Variants in HELZ2 observed in about 807,000 individuals in gnomAD.
The protein encoded by HELZ2 is helicase with zinc finger 2, also known as 3'-5' exoribonuclease HELZ2.
Under a neutral mutation model 208.8 loss-of-function variants are expected in HELZ2, and 143 were observed. That is an observed-to-expected ratio of 0.68 (90% CI 0.60 to 0.79). HELZ2 has a LOEUF of 0.79. Among genes scored for constraint, HELZ2 ranks in the 30% least tolerant of loss-of-function variants. HELZ2 has a pLI of 0.00. For synonymous variants in HELZ2, 1,705 were observed against 1,693.7 expected, an observed-to-expected ratio of 1.01 and a Z score of -0.16; for missense variants, 3,690 against 3,794.5, an observed-to-expected ratio of 0.97 and a Z score of 0.72.
At chr20:63,564,900 C>A (rs310631) in exon 8 of HELZ2, 654,805 of 1,611,820 alleles carry the variant, frequency 0.41, 135,701 homozygotes, top group Middle Eastern at 0.52. Flanking sequence ...GACGGGGGCA[C>A]CCTCAAGCTG....
chr20:63,563,132 AC>A lies in HELZ2; in HGVS notation c.5689del (p.Val1897TyrfsTer73). ...CACCGTCCAGAGCTGAGGGCTCGGT[AC>A]CAGGAAGCCGTGCTGCAGGCTGGTG... On this transcript the variant is annotated frameshift_variant, in exon 8 of 19. Coordinates refer to ENST00000467148, the Ensembl canonical transcript of HELZ2. LOFTEE classifies it high-confidence loss of function. 1 of 1,596,136 alleles carries A rather than the reference AC, an allele frequency of 6.3e-7. No individual in the cohort carries two copies. Among genetic ancestry groups the A allele is most frequent in the East Asian group, 2.3e-5 (1 of 44,060 alleles).
Position 63,572,299 on chromosome 20 carries a change from C to T in HELZ2, c.87G>A (p.Thr29=), listed in dbSNP as rs771204751. The T allele has an allele frequency of 2.0e-5, 32 of 1,585,938 alleles. No homozygotes were observed. The African/African-American group carries it at 2.5e-4, about 13-fold the overall frequency. ...CCCCAGGGGGCTGGCCAAGGGGGGCCGTGCGCCCGTCGCCATCAGGGGCAG... is the reference window on the plus strand; with the variant it reads ...CCCCAGGGGGCTGGCCAAGGGGGGCTGTGCGCCCGTCGCCATCAGGGGCAG... Residue 29 remains threonine (T), a synonymous_variant, in exon 1 of 19, where the codon ACG becomes ACA. Transcript: ENST00000467148.
chr20:63,570,115 ATTTTTTTT>A (rs56804055), intron 3 of HELZ2: 1,475 of 285,796 alleles, frequency 5.2e-3, no homozygotes, highest in East Asian at 0.029. Context: ...TGCCTGGCTA[ATTTTTTTT>A]TTTTTTTTTT....
chr20:63,570,245 C>T (rs1457990212), intron 3 of HELZ2: 1 of 606,630 alleles, frequency 1.6e-6, no homozygotes, highest in South Asian at 1.5e-5. Flanking sequence ...CAGGCGTGAA[C>T]CACCGCACCT....
At chr20:63,568,561 G>A in exon 5 of HELZ2, 1 of 1,587,272 alleles carries the variant, frequency 6.3e-7, no homozygotes, top group South Asian at 1.1e-5. Flanking sequence ...GCAAGGGTGG[G>A]ACAGACCAAG....
intron 18 of HELZ2, among the ~76,000 whole-genome samples, 166 bp downstream of exon 19, chr20:63,559,762 T>G (rs1555888297): frequency 1.1e-5 from 1 of 87,190 alleles, no homozygotes; most frequent in Non-Finnish European, 2.2e-5. Context: ...GTGGGAGGAG[T>G]CAGGGTCAGA....
At chr20:63,560,970 C>T in intron 14 of HELZ2, 41 bp from the exon 16 acceptor site, 1 of 1,604,510 alleles carries the variant, frequency 6.2e-7, no homozygotes, top group African/African-American at 1.3e-5. Context: ...CCCCTAGACC[C>T]AGAGGGACCC....
At chr20:63,561,494 T>A in intron 12 of HELZ2, 28 bp from the exon 14 acceptor site, 1 of 1,589,220 alleles carries the variant, frequency 6.3e-7, no homozygotes, top group South Asian at 1.1e-5. Flanking sequence ...GTGAGCCCTG[T>A]CCACGCAGGG....
chr20:63,567,084 G>T lies in HELZ2; in HGVS notation c.2274C>A (p.Tyr758Ter). The change falls in exon 6 of 19, where the codon TAC becomes TAA. Residue 758 changes from tyrosine to a stop codon, truncating the protein, a stop_gained. Transcript: ENST00000467148. LOFTEE classifies it high-confidence loss of function. The stretch of plus-strand genomic sequence containing the variant: ...CGTGGATGGGGTTGCCCTTGGCCAC[G>T]TAGAAGTGCCGCGAGATGAAGCTGA... The T allele has an allele frequency of 6.2e-7, 1 of 1,612,160 alleles. No homozygotes were observed. The highest frequency in any genetic ancestry group is 8.5e-7 in the Non-Finnish European group (1 of 1,179,996).
chr20:63,568,930 C>T lies in HELZ2; in HGVS notation c.1158G>A (p.Ala386=), dbSNP rs151002657. ...CCTCTGCGTACAGTGCTCCCGGAGG[C>T]GCGAAGAGCATGTTCAGCGCTGGCG... The change falls in exon 5 of 19, where the codon GCG becomes GCA. Residue 386 remains alanine (A), a synonymous_variant. Transcript: ENST00000467148. 170 of 1,608,620 alleles carry T rather than the reference C, an allele frequency of 1.1e-4. 1 individual carries two copies. In the African/African-American group the frequency reaches 1.9e-3, roughly 18 times the overall value.
chr20:63,559,306 C>A, exon 19 of HELZ2: 2 of 1,599,758 alleles, frequency 1.3e-6, no homozygotes, highest in Non-Finnish European at 1.7e-6. Context: ...CGAGGGTCTG[C>A]TGAGCCTCGC....
intron 2 of HELZ2, 36 bp from the exon 4 acceptor site, chr20:63,570,647 AC>A: frequency 2.0e-6 from 3 of 1,497,372 alleles, no homozygotes; most frequent in Non-Finnish European, 1.8e-6. Context: ...AGAGGCCTGG[AC>A]CCCACCCCAC....
At chr20:63,558,486 T>G (rs2082838710), downstream of HELZ2, 1 of 152,160 alleles carries the variant, frequency 6.6e-6, no homozygotes, top group African/African-American at 2.4e-5. Flanking sequence ...CAGGGAGGCC[T>G]CCTTGTCCTG....
At chr20:63,564,568 G>C in exon 8 of HELZ2, 2 of 1,568,502 alleles carry the variant, frequency 1.3e-6, no homozygotes, top group Non-Finnish European at 1.7e-6. Flanking sequence ...GGCCAGGCAG[G>C]AGGCTGAGGA....
At chr20:63,566,679 C>CGGGGATGAA (rs1600979046) in intron 6 of HELZ2, among the ~76,000 whole-genome samples, 165 bp downstream of exon 7, 7 of 151,588 alleles carry the variant, frequency 4.6e-5, no homozygotes, top group African/African-American at 1.5e-4. Flanking sequence ...CCACCAAGCT[C>CGGGGATGAA]CAGACACCTC....
At position 63,563,433 on chromosome 20, in the gene HELZ2, G is replaced by A. The variant is rs1194620204; in HGVS notation, c.5389C>T (p.Arg1797Cys). Reference sequence around the variant, plus strand: ...GATCCCTGCGCTGAGTAGACACGGCGCCGCCACAGGAGCCGCAGGCCCGGC... The same window carrying A: ...GATCCCTGCGCTGAGTAGACACGGCACCGCCACAGGAGCCGCAGGCCCGGC... Residue 1797 changes from arginine to cysteine, a missense_variant, in exon 8 of 19, where the codon CGC (arginine) becomes TGC (cysteine). Around this residue, in one of 3 missense-constraint regions of HELZ2, gnomAD observed 2,564 missense variants for 2,580.5 expected, o/e 0.99. Transcript: ENST00000467148. 7.8e-6 allele frequency: 12 copies of A among 1,530,086 alleles called. No homozygotes were observed. The Admixed American group carries it at 1.2e-4, about 15-fold the overall frequency. The allele number at this position is 1,530,086 out of a possible 1,614,324, so 94.8% of individuals were successfully genotyped here.
chr20:63,564,055 GC>G lies in HELZ2; in HGVS notation c.4766del (p.Gly1589AlafsTer381), dbSNP rs777826784. The G allele has an allele frequency of 6.2e-7, 1 of 1,604,326 alleles. No homozygotes were observed. The highest frequency in any genetic ancestry group is 8.5e-7 in the Non-Finnish European group (1 of 1,176,618). ...GGTGCAGCCGCGTGTCGGGGGGACT[GC>G]CCCCGCCGCCGTGCAGGTGGTGGCC... On this transcript the variant is annotated frameshift_variant, in exon 8 of 19. Transcript: ENST00000467148. LOFTEE classifies it high-confidence loss of function.
intron 6 of HELZ2, 53 bp downstream of exon 7, chr20:63,566,791 C>A: frequency 6.6e-7 from 1 of 1,506,926 alleles, no homozygotes; most frequent in African/African-American, 1.4e-5. Flanking sequence ...GGAGAGCTCC[C>A]CCTCCCCCAG....
At chr20:63,560,689 G>A (rs372460202) in exon 16 of HELZ2, 19 of 1,608,416 alleles carry the variant, frequency 1.2e-5, no homozygotes, top group Non-Finnish European at 1.5e-5. Flanking sequence ...AGGCACAGAT[G>A]CCCTCATGCT....
Sources: gnomAD v4.1 joint callset for allele counts (sites outside exome capture counted in the v4.1 genomes callset) on GRCh38, gnomAD v4.1.1 for gene constraint, gnomAD v4.1.1 regional missense constraint, MANE v1.5 for transcripts, NCBI Gene and HGNC (gene_info 2026-07-23, HGNC 2026-07-21) for gene names.